Variants in CDK5RAP2 observed in about 807,000 individuals in gnomAD.
The protein encoded by CDK5RAP2 is CDK5 regulatory subunit associated protein 2, also known as CDK5 regulatory subunit-associated protein 2.
In CDK5RAP2, 147 loss-of-function variants were observed where a neutral mutation model predicts 232.9. The observed-to-expected ratio is 0.63, with a 90% CI of 0.55 to 0.72. The LOEUF is 0.72. Ranked by LOEUF, CDK5RAP2 falls within the 30% of genes least tolerant of loss-of-function variation. The pLI, the probability that CDK5RAP2 is intolerant of heterozygous loss-of-function variation, is 0.00. For missense variants in CDK5RAP2, 2,195 were observed against 2,231.5 expected, an observed-to-expected ratio of 0.98 and a Z score of 0.33; for synonymous variants, 833 against 833.7, an observed-to-expected ratio of 1.00 and a Z score of 0.01.
Position 120,460,571 on chromosome 9 carries a change from C to G in CDK5RAP2, c.2202+1G>C. 6.2e-7 allele frequency: 1 copy of G among 1,613,938 alleles called. No individual in the cohort carries two copies. Among genetic ancestry groups the G allele is most frequent in the South Asian group, 1.1e-5 (1 of 91,064 alleles). The stretch of plus-strand genomic sequence containing the variant: ...TAAGGAGTTAACTGAAAGGTTCCTA[C>G]CTCATTACTCTGCTGCAAATGCTGG... On this transcript the variant is annotated splice_donor_variant, in intron 19 of 37. Coordinates refer to ENST00000349780, the MANE Select transcript of CDK5RAP2 (RefSeq NM_018249.6). LOFTEE classifies it high-confidence loss of function.
chr9:120,565,243 T>C (rs1228728489), intron 3 of CDK5RAP2, among the ~76,000 whole-genome samples: 1 of 152,204 alleles, frequency 6.6e-6, no homozygotes, highest in Admixed American at 6.5e-5. Context: ...AGATGATTCT[T>C]AGAGCTCCTC....
chr9:120,402,825 CTTG>C lies in CDK5RAP2; in HGVS notation c.5285_5287del (p.Thr1762del), dbSNP rs1252874785. 1.9e-6 allele frequency: 3 copies of C among 1,614,092 alleles called. No homozygotes were observed. The highest frequency in any genetic ancestry group is 2.5e-6 in the Non-Finnish European group (3 of 1,180,020). On this transcript the variant is annotated inframe_deletion, in exon 34 of 38. Coordinates refer to ENST00000349780, the MANE Select transcript of CDK5RAP2 (RefSeq NM_018249.6). ...GGTTACCTTTGTTCCCAGCTCTTGA[CTTG>C]TGGAGCTGGGAGCCTCTTGGGTTTG... is the stretch of plus-strand genomic sequence containing the variant.
At chr9:120,561,763 TTTC>T (rs1399829023) in intron 3 of CDK5RAP2, among the ~76,000 whole-genome samples, 4 of 152,262 alleles carry the variant, frequency 2.6e-5, no homozygotes, top group Non-Finnish European at 4.4e-5. Context: ...TCATTTAATA[TTTC>T]TTAAGTATTT....
intron 20 of CDK5RAP2, among the ~76,000 whole-genome samples, chr9:120,455,032 G>C (rs533060470): frequency 6.6e-6 from 1 of 152,332 alleles, no homozygotes; most frequent in African/African-American, 2.4e-5. Flanking sequence ...TGCTCGGGTG[G>C]AGTAACTCAA....
intron 20 of CDK5RAP2, among the ~76,000 whole-genome samples, chr9:120,456,357 T>G (rs768149425): frequency 2.0e-4 from 31 of 152,232 alleles, no homozygotes; most frequent in Admixed American, 2.0e-3. Context: ...TACAACTCCT[T>G]TAACATACTC....
At chr9:120,425,934 G>C (rs545125881) in intron 25 of CDK5RAP2, among the ~76,000 whole-genome samples, 1 of 152,212 alleles carries the variant, frequency 6.6e-6, no homozygotes, top group African/African-American at 2.4e-5. Flanking sequence ...ATAAGGGGCC[G>C]CAACAGATGC....
Position 120,403,000 on chromosome 9 carries a change from T to C in CDK5RAP2, c.5113A>G (p.Ser1705Gly). ...ACCAGGCGGGACACACACGGAGTGC[T>C]AGTTGCCGAACTGCCACTGTCGCAG... ...LSCDSGSSAT[S>G]TPCVSRLVTG... The change falls in exon 34 of 38, where the codon AGC (serine) becomes GGC (glycine). Residue 1705 changes from serine to glycine, a missense_variant. Coordinates refer to ENST00000349780, the MANE Select transcript of CDK5RAP2 (RefSeq NM_018249.6). 1 of 1,614,152 alleles carries C rather than the reference T, an allele frequency of 6.2e-7. No homozygotes were observed. Among genetic ancestry groups the C allele is most frequent in the Non-Finnish European group, 8.5e-7 (1 of 1,179,992 alleles).
In CDK5RAP2 at chr9:120,422,668, T is replaced by TTA; in HGVS notation, c.4004+24_4004+25insTA. On this transcript the variant is annotated intron_variant, in intron 26 of 37. Transcript: ENST00000349780. Reference sequence around the variant, plus strand: ...CAGACCTAGAAAGTCCTGGGAAGTCTTCTTAACAAATGTTACACACTCACC... The same window carrying TTA: ...CAGACCTAGAAAGTCCTGGGAAGTCTTATCTTAACAAATGTTACACACTCACC... 5 of 1,593,684 alleles carry TTA rather than the reference T, an allele frequency of 3.1e-6. 1 individual carries two copies. The South Asian group carries it at 4.4e-5, about 14-fold the overall frequency.
intron 7 of CDK5RAP2, among the ~76,000 whole-genome samples, chr9:120,535,633 G>C (rs2041352889): frequency 6.6e-6 from 1 of 152,230 alleles, no homozygotes; most frequent in Non-Finnish European, 1.5e-5. Flanking sequence ...AATAAGGCAA[G>C]AGTATCATAA....
At chr9:120,480,787 C>T (rs898459818) in intron 14 of CDK5RAP2, among the ~76,000 whole-genome samples, 1 of 152,206 alleles carries the variant, frequency 6.6e-6, no homozygotes, top group African/African-American at 2.4e-5. Context: ...AAGGCCAAGG[C>T]ACCACCTGCC....
In CDK5RAP2 at chr9:120,409,303, C is replaced by G. The variant is rs144923089; in HGVS notation, c.4428G>C (p.Glu1476Asp). Residue 1476 changes from glutamate to aspartate, a missense_variant, in exon 30 of 38, where the codon GAG becomes GAC. Coordinates refer to ENST00000349780, the MANE Select transcript of CDK5RAP2 (RefSeq NM_018249.6). Reference protein sequence around the residue: ...LIKGSRDKQKENDKLRESLSR... With the variant: ...LIKGSRDKQKDNDKLRESLSR... ...AGAGGGACTCTCGTAATTTGTCATT[C>G]TCCTTCTGTTTATCTGCAAACATAA... 78 of 1,596,870 alleles carry G rather than the reference C, an allele frequency of 4.9e-5. No homozygotes were observed. Among genetic ancestry groups the G allele is most frequent in the Non-Finnish European group, 6.4e-5 (75 of 1,171,412 alleles).
intron 6 of CDK5RAP2, 166 bp from the exon 7 acceptor site, chr9:120,536,692 G>A (rs1305214154): frequency 4.0e-6 from 3 of 756,106 alleles, no homozygotes; most frequent in Non-Finnish European, 6.8e-6. Context: ...ACATTTGCCA[G>A]CCATTTTTCC....
intron 10 of CDK5RAP2, among the ~76,000 whole-genome samples, chr9:120,525,480 G>A (rs747638384): frequency 6.6e-5 from 10 of 152,042 alleles, no homozygotes; most frequent in African/African-American, 1.2e-4. Flanking sequence ...CCTATACCCC[G>A]GAGTTGGCCA....
intron 35 of CDK5RAP2, among the ~76,000 whole-genome samples, chr9:120,399,363 T>C (rs1356962038): frequency 6.6e-6 from 1 of 152,064 alleles, no homozygotes; most frequent in East Asian, 1.9e-4. Context: ...ACTTTGGGTG[T>C]ATAGAAAAAA....
At chr9:120,460,308 C>T (rs2037011866) in intron 19 of CDK5RAP2, among the ~76,000 whole-genome samples, 1 of 152,206 alleles carries the variant, frequency 6.6e-6, no homozygotes, top group African/African-American at 2.4e-5. Flanking sequence ...CCAGGTCAAA[C>T]ATCCAATGCC....
chr9:120,531,941 C>T (rs910530101), intron 7 of CDK5RAP2, among the ~76,000 whole-genome samples: 2 of 151,952 alleles, frequency 1.3e-5, no homozygotes, highest in African/African-American at 4.8e-5. Context: ...AGGTAGTCAC[C>T]GAACTATATA....
chr9:120,518,634 G>A lies in CDK5RAP2; in HGVS notation c.1104C>T (p.Asp368=). ...AQTQEFQGSE[D]YETALSGKEA... is the part of the protein sequence containing the mutation. ...CCTTTCCTGATAGAGCAGTCTCATA[G>A]TCTTCAGACCCCTAGAAGAGAAGGC... The change falls in exon 12 of 38, where the codon GAC becomes GAT. Residue 368 remains aspartate (D), a synonymous_variant. Transcript: ENST00000349780. 1 of 1,613,464 alleles carries A rather than the reference G, an allele frequency of 6.2e-7. No individual in the cohort carries two copies. The highest frequency in any genetic ancestry group is 8.5e-7 in the Non-Finnish European group (1 of 1,179,722).
At position 120,439,371 on chromosome 9, in the gene CDK5RAP2, A is replaced by G. The variant is rs763998616; in HGVS notation, c.3722+28T>C. 2.6e-5 allele frequency: 41 copies of G among 1,589,594 alleles called. No homozygotes were observed. In the Admixed American group the frequency reaches 4.0e-4, roughly 16 times the overall value. On this transcript the variant is annotated intron_variant, in intron 24 of 37. Transcript: ENST00000349780. ...CAATACTGGGGGACTACAGGCTTAA[A>G]CGGGGAGACGGCAGAGGTGGAACGT...
intron 3 of CDK5RAP2, among the ~76,000 whole-genome samples, chr9:120,562,817 T>C (rs987187660): frequency 2.0e-5 from 3 of 152,082 alleles, no homozygotes; most frequent in African/African-American, 4.8e-5. Context: ...GGCACTATCC[T>C]AGCATGTTAT....
Sources: allele counts gnomAD v4.1 joint callset (sites outside exome capture counted in the v4.1 genomes callset), GRCh38; gene constraint gnomAD v4.1.1; transcripts MANE v1.5; gene names NCBI Gene and HGNC (gene_info 2026-07-23, HGNC 2026-07-21).